TPRA1: variants seen among roughly 807,000 people sequenced by gnomAD.
The protein encoded by TPRA1 is transmembrane protein adipocyte associated 1.
A neutral mutation model predicts 40.1 loss-of-function variants in TPRA1; 28 were observed. The observed-to-expected ratio is 0.70, with a 90% CI of 0.52 to 0.96. The LOEUF is 0.96. TPRA1 is among the 40% of genes least tolerant of loss of function. The pLI is 0.00. For missense variants in TPRA1, 441 were observed against 482.6 expected (o/e 0.91, Z 0.81); for synonymous variants, 219 against 209.7 (o/e 1.04, Z -0.38).
At position 127,572,682 on chromosome 3, in the gene TPRA1, C is replaced by G. The variant is rs2073409760; in HGVS notation, c.*839G>C. Among the ~76,000 whole-genome samples the G allele has an allele frequency of 6.6e-6, 1 of 152,198 alleles. No individual in the cohort carries two copies. The highest frequency in any genetic ancestry group is 2.4e-5 in the African/African-American group (1 of 41,432). On this transcript the variant is annotated 3_prime_UTR_variant, in exon 11 of 11. Transcript: ENST00000355552. ...CGTGCTTAGTGTTTTCCAATCCTTA[C>G]AAAAGGCCCTGCAGGATGGGTCTTC...
chr3:127,581,133 G>A (rs2073818109), intron 1 of TPRA1, among the ~76,000 whole-genome samples: 1 of 152,218 alleles, frequency 6.6e-6, no homozygotes, highest in Non-Finnish European at 1.5e-5. Context: ...TCCGCAGGGA[G>A]TTCGGGGTGA....
At chr3:127,593,949 T>A (rs185138788), upstream of TPRA1, among the ~76,000 whole-genome samples, 1 of 152,336 alleles carries the variant, frequency 6.6e-6, no homozygotes, top group East Asian at 1.9e-4. Flanking sequence ...CCATCCTTTG[T>A]CATCACAGTC....
chr3:127,593,889 C>T (rs180763178), upstream of TPRA1, among the ~76,000 whole-genome samples: 18 of 152,310 alleles, frequency 1.2e-4, no homozygotes, highest in East Asian at 2.9e-3. Flanking sequence ...CTCATAGGAA[C>T]GGCCAACAAT....
chr3:127,572,556 C>T lies in TPRA1; in HGVS notation c.*965G>A, dbSNP rs891153644. ...ACCCATCCTTATGACAAACATCAGT[C>T]CCCGAGTCCTGTCTGCTGGGGGCCT... On this transcript the variant is annotated 3_prime_UTR_variant, in exon 11 of 11. Transcript: ENST00000355552. 1.3e-5 allele frequency among the ~76,000 whole-genome samples: 2 copies of T among 152,226 alleles called. No homozygotes were observed. The highest frequency in any genetic ancestry group is 2.9e-5 in the Non-Finnish European group (2 of 68,042).
Position 127,580,782 on chromosome 3 carries a change from G to A in TPRA1, c.-17-619C>T, listed in dbSNP as rs569394146. On this transcript the variant is annotated intron_variant, in intron 1 of 10. Coordinates refer to ENST00000355552, the MANE Select transcript of TPRA1 (RefSeq NM_001136053.4). ...CACCCTCTGGCCCTTGTCTCCCTCT[G>A]CCACCACAGACAAAGATGGAGGGGA... 4.3e-4 allele frequency among the ~76,000 whole-genome samples: 66 copies of A among 152,362 alleles called. No homozygotes were observed. The South Asian group carries it at 5.4e-3, about 12-fold the overall frequency.
intron 1 of TPRA1, among the ~76,000 whole-genome samples, chr3:127,597,289 C>T (rs2074253579): frequency 6.6e-6 from 1 of 152,202 alleles, no homozygotes; most frequent in Non-Finnish European, 1.5e-5. Flanking sequence ...TGGAACTAGA[C>T]AAGAACCACA....
At chr3:127,593,298 C>T (rs879314343), upstream of TPRA1, among the ~76,000 whole-genome samples, 2 of 152,134 alleles carry the variant, frequency 1.3e-5, no homozygotes, top group Admixed American at 6.6e-5. Context: ...CCACGGCTGA[C>T]AGTAGGAGAT....
At chr3:127,581,245 C>T (rs963889343) in intron 1 of TPRA1, among the ~76,000 whole-genome samples, 4 of 152,206 alleles carry the variant, frequency 2.6e-5, no homozygotes, top group Non-Finnish European at 5.9e-5. Flanking sequence ...ACCAGGAATG[C>T]TTGTAAAGGC....
intron 1 of TPRA1, among the ~76,000 whole-genome samples, chr3:127,584,477 AAAAG>A (rs2073938716): frequency 6.7e-6 from 1 of 149,402 alleles, no homozygotes; most frequent in Non-Finnish European, 1.5e-5. Flanking sequence ...AAAAAAAAAA[AAAAG>A]AAGCAAACTT....
chr3:127,596,987 G>GC (rs1375308933), intron 1 of TPRA1, among the ~76,000 whole-genome samples: 3 of 152,094 alleles, frequency 2.0e-5, no homozygotes, highest in African/African-American at 7.2e-5. Flanking sequence ...ACAATGGCGT[G>GC]CATCTCTAAT....
upstream of TPRA1, chr3:127,591,068 G>C (rs1316713559): frequency 6.6e-6 from 1 of 152,230 alleles, no homozygotes; most frequent in Non-Finnish European, 1.5e-5. Context: ...CGGCAGCCGC[G>C]CTCCACCTCC....
chr3:127,576,905 G>A lies in TPRA1; in HGVS notation c.346-12C>T. 1 of 1,613,776 alleles carries A rather than the reference G, an allele frequency of 6.2e-7. No individual in the cohort carries two copies. The highest frequency in any genetic ancestry group is 1.3e-5 in the African/African-American group (1 of 75,010). On this transcript the variant is annotated splice_polypyrimidine_tract_variant and intron_variant, in intron 4 of 10. Coordinates refer to ENST00000355552, the MANE Select transcript of TPRA1 (RefSeq NM_001136053.4). The surrounding 1 kb of genome is among the most constrained non-coding windows in gnomAD (Gnocchi z 4.6). ...ATCTCCCACAGGATCTGCACGCAGA[G>A]TGGGCACAGCGTCAGCCTGGACCAG...
In TPRA1 at chr3:127,576,819, A is replaced by G. The variant is rs759275320; in HGVS notation, c.418+2T>C. Reference sequence around the variant, plus strand: ...GGCCCAAGAGCCCAGCGGTACACACACCAAAGGCCAGGCCCAGGATGATCA... The same window carrying G: ...GGCCCAAGAGCCCAGCGGTACACACGCCAAAGGCCAGGCCCAGGATGATCA... On this transcript the variant is annotated splice_donor_variant, in intron 5 of 10. Coordinates refer to ENST00000355552, the MANE Select transcript of TPRA1 (RefSeq NM_001136053.4). LOFTEE classifies it high-confidence loss of function. The surrounding 1 kb of genome is among the most constrained non-coding windows in gnomAD (Gnocchi z 4.6). 4 of 1,613,872 alleles carry G rather than the reference A, an allele frequency of 2.5e-6. No homozygotes were observed. Among genetic ancestry groups the G allele is most frequent in the East Asian group, 4.5e-5 (2 of 44,872 alleles).
In TPRA1 at chr3:127,573,337, G is replaced by C. The variant is rs374666067; in HGVS notation, c.*184C>G. 4.2e-6 allele frequency: 3 copies of C among 710,982 alleles called. No individual in the cohort carries two copies. Among genetic ancestry groups the C allele is most frequent in the Non-Finnish European group, 6.7e-6 (3 of 446,228 alleles). 44.0% of individuals were successfully genotyped at this position (710,982 alleles called of 1,614,324 possible). A position where few individuals can be genotyped will look rare whatever the true frequency, so the allele number is the denominator to read the frequency against. On this transcript the variant is annotated 3_prime_UTR_variant, in exon 11 of 11. Coordinates refer to ENST00000355552, the MANE Select transcript of TPRA1 (RefSeq NM_001136053.4). The stretch of plus-strand genomic sequence containing the variant: ...GGAAGGGGAGGAGGGTCCCCAGTGA[G>C]AGCAGAGATGGCAAAGGGGATTGGG...
At chr3:127,595,165 G>A (rs1231653738), upstream of TPRA1, among the ~76,000 whole-genome samples, 1 of 152,228 alleles carries the variant, frequency 6.6e-6, no homozygotes, top group Non-Finnish European at 1.5e-5. Flanking sequence ...TCACACAAGG[G>A]TGTGAATACC....
At position 127,572,836 on chromosome 3, in the gene TPRA1, T is replaced by C. The variant is rs974418866; in HGVS notation, c.*685A>G. 1.3e-5 allele frequency among the ~76,000 whole-genome samples: 2 copies of C among 152,054 alleles called. No individual in the cohort carries two copies. Among genetic ancestry groups the C allele is most frequent in the African/African-American group, 4.8e-5 (2 of 41,378 alleles). ...GAGGGGCTGGCTCACAAAACATAGTTCTCCTCTCTCTCCATGTCTGTCCCC... is the reference window on the plus strand; with the variant it reads ...GAGGGGCTGGCTCACAAAACATAGTCCTCCTCTCTCTCCATGTCTGTCCCC... On this transcript the variant is annotated 3_prime_UTR_variant, in exon 11 of 11. Transcript: ENST00000355552.
intron 1 of TPRA1, chr3:127,595,747 T>C (rs915369756): frequency 6.6e-6 from 1 of 152,238 alleles, no homozygotes; most frequent in African/African-American, 2.4e-5. Context: ...GCATCTGTCT[T>C]GTATGGCCTC....
Position 127,576,718 on chromosome 3 carries a change from G to A in TPRA1, c.419-22C>T, listed in dbSNP as rs2073644800. 1 of 1,609,206 alleles carries A rather than the reference G, an allele frequency of 6.2e-7. No homozygotes were observed. Among genetic ancestry groups the A allele is most frequent in the Non-Finnish European group, 8.5e-7 (1 of 1,177,852 alleles). ...TGGCCTGGAAGAAACATGCTGGTCA[G>A]CAGGCAGGAGCCAGCCCAGGTGACC... On this transcript the variant is annotated intron_variant, in intron 5 of 10. Transcript: ENST00000355552. The surrounding 1 kb of genome is among the most constrained non-coding windows in gnomAD (Gnocchi z 4.6).
chr3:127,573,871 G>A, intron 10 of TPRA1, 83 bp from the exon 11 acceptor site: 13 of 1,472,188 alleles, frequency 8.8e-6, no homozygotes, highest in African/African-American at 2.8e-5. Flanking sequence ...GGGGCCACCA[G>A]ATAAGGAAGG....
Sources: allele counts gnomAD v4.1 joint callset (sites outside exome capture counted in the v4.1 genomes callset), GRCh38; gene constraint gnomAD v4.1.1; non-coding constraint Gnocchi (gnomAD v3.1); transcripts MANE v1.5; gene names NCBI Gene and HGNC (gene_info 2026-07-23, HGNC 2026-07-21).